Variants in GFOD1 observed in about 807,000 individuals in gnomAD.
The protein encoded by GFOD1 is glucose-fructose oxidoreductase domain-containing protein 1.
A neutral mutation model predicts 25.4 loss-of-function variants in GFOD1; 9 were observed. That is an observed-to-expected ratio of 0.35 (90% CI 0.21 to 0.62). GFOD1 has a LOEUF of 0.62. GFOD1 is among the 20% of genes least tolerant of loss of function. GFOD1 has a pLI of 0.72. For synonymous variants in GFOD1, 253 were observed against 245.6 expected (o/e 1.03, Z -0.28); for missense variants, 403 against 556.9 (o/e 0.72, Z 2.78).
In GFOD1 at chr6:13,486,673, G is replaced by A; in HGVS notation, c.218C>T (p.Pro73Leu). 1 of 1,614,128 alleles carries A rather than the reference G, an allele frequency of 6.2e-7. No homozygotes were observed. The highest frequency in any genetic ancestry group is 8.5e-7 in the Non-Finnish European group (1 of 1,180,010). The change falls in exon 1 of 2, where the codon CCG (proline) becomes CTG (leucine). Residue 73 changes from proline to leucine, a missense_variant. Coordinates refer to ENST00000379287, the MANE Select transcript of GFOD1 (RefSeq NM_018988.4). ...DVDLVCINLPPPLTRQIAVKT... is the reference protein window; with the variant it reads ...DVDLVCINLPLPLTRQIAVKT... ...GACAGCGATCTGTCTGGTGAGGGGC[G>A]GCGGCAGGTTAATGCACACCAAGTC...
chr6:13,480,987 G>A (rs550823176), intron 1 of GFOD1, among the ~76,000 whole-genome samples: 1 of 152,322 alleles, frequency 6.6e-6, no homozygotes, highest in South Asian at 2.1e-4. Flanking sequence ...TTCATAGTGT[G>A]TCTACTAGGT....
intron 1 of GFOD1, among the ~76,000 whole-genome samples, chr6:13,428,131 A>G (rs1272468274): frequency 6.6e-6 from 1 of 152,178 alleles, no homozygotes; most frequent in Non-Finnish European, 1.5e-5. Context: ...CCATGTGGAA[A>G]CAGATCGTCT....
At chr6:13,419,177 T>A (rs757109703) in intron 1 of GFOD1, among the ~76,000 whole-genome samples, 2 of 152,226 alleles carry the variant, frequency 1.3e-5, no homozygotes, top group Non-Finnish European at 2.9e-5. Flanking sequence ...GGAAGATTCA[T>A]GCCCATTTGA....
chr6:13,441,497 A>G (rs1488257972), intron 1 of GFOD1, among the ~76,000 whole-genome samples: 3 of 152,252 alleles, frequency 2.0e-5, no homozygotes, highest in Non-Finnish European at 2.9e-5. Flanking sequence ...TAAAAAATGT[A>G]TCTTTTCCTG....
At position 13,378,791 on chromosome 6, in the gene GFOD1, A is replaced by G. The variant is rs568048342; in HGVS notation, c.254-13129T>C. ...ACATTAACCCCACCTCCTGCAGCCT[A>G]GGAACGCATGTCCTTGGAGGGATAA... On this transcript the variant is annotated intron_variant, in intron 1 of 1. Coordinates refer to ENST00000379287, the MANE Select transcript of GFOD1 (RefSeq NM_018988.4). Among the ~76,000 whole-genome samples the G allele has an allele frequency of 2.0e-5, 3 of 152,264 alleles. No homozygotes were observed. The East Asian group carries it at 5.8e-4, about 29-fold the overall frequency.
Position 13,359,188 on chromosome 6 carries a change from T to C in GFOD1, c.*5555A>G. 1 of 152,440 alleles carries C rather than the reference T, an allele frequency of 6.6e-6. No individual in the cohort carries two copies. The highest frequency in any genetic ancestry group is 1.5e-5 in the Non-Finnish European group (1 of 68,130). 9.4% of individuals were successfully genotyped at this position (152,440 alleles called of 1,614,324 possible). On this transcript the variant is annotated 3_prime_UTR_variant, in exon 2 of 2. Coordinates refer to ENST00000379287, the MANE Select transcript of GFOD1 (RefSeq NM_018988.4). ...CGCTCCAGCTGCTGGCTCCTGTGCC[T>C]GGCGGGGAGAAGGTGGAGAGGCGGG...
At chr6:13,475,163 G>A (rs1758588836) in intron 1 of GFOD1, among the ~76,000 whole-genome samples, 1 of 151,772 alleles carries the variant, frequency 6.6e-6, no homozygotes, top group South Asian at 2.1e-4. Flanking sequence ...AAAGAAAAAT[G>A]TGACTGTCTA....
intron 1 of GFOD1, among the ~76,000 whole-genome samples, chr6:13,458,360 C>T (rs1443493745): frequency 1.3e-5 from 2 of 152,124 alleles, no homozygotes; most frequent in Non-Finnish European, 2.9e-5. Flanking sequence ...TTGTGATCCG[C>T]CCCCGCTTGG....
chr6:13,424,976 T>TTTTG (rs61372261), intron 1 of GFOD1, among the ~76,000 whole-genome samples: 1 of 149,868 alleles, frequency 6.7e-6, no homozygotes, highest in Non-Finnish European at 1.5e-5. Context: ...TTTTTTTTTT[T>TTTTG]GAGATAGGGT....
At chr6:13,373,605 C>T (rs1785191271) in intron 1 of GFOD1, among the ~76,000 whole-genome samples, 1 of 151,940 alleles carries the variant, frequency 6.6e-6, no homozygotes, top group Admixed American at 6.6e-5. Flanking sequence ...TATTTATAAT[C>T]CCTCCATCCC....
chr6:13,486,258 C>CA lies in GFOD1; in HGVS notation c.253+379dup, dbSNP rs1491182738. The CA allele has an allele frequency of 5.7e-5, 14 of 247,580 alleles. 1 individual carries two copies. Among genetic ancestry groups the CA allele is most frequent in the East Asian group, 1.9e-4 (1 of 5,376 alleles). 15.3% of individuals were successfully genotyped at this position (247,580 alleles called of 1,614,324 possible). Reference sequence around the variant, plus strand: ...CCTCCACCCCCCCATCCCCCCCCCCCACACACACACACTTGGACACTACAC... The same window carrying CA: ...CCTCCACCCCCCCATCCCCCCCCCCCAACACACACACACTTGGACACTACAC... On this transcript the variant is annotated intron_variant, in intron 1 of 1. Transcript: ENST00000379287.
At chr6:13,384,021 G>A (rs934427687) in intron 1 of GFOD1, among the ~76,000 whole-genome samples, 1 of 152,180 alleles carries the variant, frequency 6.6e-6, no homozygotes, top group Non-Finnish European at 1.5e-5. Flanking sequence ...GAGGTCAGGA[G>A]TTCAAGAGCA....
At chr6:13,478,265 G>A (rs1022419452) in intron 1 of GFOD1, among the ~76,000 whole-genome samples, 47 of 151,954 alleles carry the variant, frequency 3.1e-4, no homozygotes, top group Admixed American at 2.2e-3. Context: ...TCAGCCTCCC[G>A]AGTAGCTGGG....
At chr6:13,408,051 GC>G in intron 1 of GFOD1, 1 of 985,388 alleles carries the variant, frequency 1.0e-6, no homozygotes, top group Non-Finnish European at 1.2e-6. Flanking sequence ...TGAGAAATGT[GC>G]CCTTCCCTAC....
chr6:13,393,819 G>A (rs1584625064), intron 1 of GFOD1, among the ~76,000 whole-genome samples: 1 of 124,662 alleles, frequency 8.0e-6, no homozygotes, highest in Non-Finnish European at 1.6e-5. Flanking sequence ...TCGCTCTGCC[G>A]CCCAGGCTGG....
chr6:13,451,036 C>A (rs187320584), intron 1 of GFOD1, among the ~76,000 whole-genome samples: 42 of 152,342 alleles, frequency 2.8e-4, no homozygotes, highest in African/African-American at 8.9e-4. Context: ...GAGTAGCCCT[C>A]ACCTCTGGGC....
At chr6:13,409,088 G>GGAAA (rs879779509) in intron 1 of GFOD1, among the ~76,000 whole-genome samples, 890 of 36,688 alleles carry the variant, frequency 0.024, 52 homozygotes, top group African/African-American at 0.08. Flanking sequence ...CCATCAGAAA[G>GGAAA]GAAAGAAAGA....
intron 1 of GFOD1, among the ~76,000 whole-genome samples, chr6:13,401,240 G>T (rs1341105569): frequency 6.6e-6 from 1 of 152,216 alleles, no homozygotes; most frequent in African/African-American, 2.4e-5. Context: ...GACTTGAAAG[G>T]TCTAATTGCC....
At chr6:13,469,742 T>C in intron 1 of GFOD1, 1 of 1,167,836 alleles carries the variant, frequency 8.6e-7, no homozygotes, top group South Asian at 1.6e-5. Flanking sequence ...GTGAAAATAA[T>C]ACATGTCACA....
Sources: gnomAD v4.1 joint callset for allele counts (sites outside exome capture counted in the v4.1 genomes callset) on GRCh38, gnomAD v4.1.1 for gene constraint, MANE v1.5 for transcripts, NCBI Gene and HGNC (gene_info 2026-07-23, HGNC 2026-07-21) for gene names.